Variants in KALRN observed in about 807,000 individuals in gnomAD.
KALRN encodes the protein kalirin RhoGEF kinase, also known as kalirin.
KALRN carries 70 observed loss-of-function variants against 353.7 expected under a neutral mutation model. That is an observed-to-expected ratio of 0.20 (90% CI 0.16 to 0.24). The LOEUF (loss-of-function observed/expected upper bound fraction) is 0.24. Ranked by LOEUF, KALRN falls within the 10% of genes least tolerant of loss-of-function variation. The pLI is 1.00. For synonymous variants in KALRN, 1,391 were observed against 1,434.8 expected, an observed-to-expected ratio of 0.97 and a Z score of 0.69; for missense variants, 2,791 against 3,756.7, an observed-to-expected ratio of 0.74 and a Z score of 6.72.
chr3:124,589,806 A>G (rs906248440), intron 34 of KALRN, among the ~76,000 whole-genome samples: 1 of 152,194 alleles, frequency 6.6e-6, no homozygotes, highest in Non-Finnish European at 1.5e-5. Context: ...TTCAAGTCCC[A>G]TAGTCGGCCT....
In KALRN at chr3:124,227,967, C is replaced by T. The variant is rs776406990; in HGVS notation, c.74-23C>T. On this transcript the variant is annotated intron_variant, in intron 1 of 59. Coordinates refer to ENST00000682506, the MANE Select transcript of KALRN (RefSeq NM_001388419.1). ...CCAGCTGGCTCCTCTCACCCTGATT[C>T]CTTCTGGTTTGTTGTCCCACAGGGT... 5 of 1,603,676 alleles carry T rather than the reference C, an allele frequency of 3.1e-6. No individual in the cohort carries two copies. In the South Asian group the frequency reaches 4.4e-5, roughly 14 times the overall value.
At chr3:124,109,300 T>G (rs1473956378) in intron 1 of KALRN, among the ~76,000 whole-genome samples, 1 of 152,046 alleles carries the variant, frequency 6.6e-6, no homozygotes, top group African/African-American at 2.4e-5. Context: ...TATCTCCCTT[T>G]GATGCATTCT....
At chr3:124,163,516 C>A in intron 1 of KALRN, 1 of 778,202 alleles carries the variant, frequency 1.3e-6, no homozygotes, top group Non-Finnish European at 1.6e-6. Flanking sequence ...CCATCTAATG[C>A]TGCATTATGG....
chr3:124,666,271 C>T (rs1406559806), intron 45 of KALRN, among the ~76,000 whole-genome samples, 178 bp from the exon 46 acceptor site: 1 of 152,170 alleles, frequency 6.6e-6, no homozygotes, highest in Non-Finnish European at 1.5e-5. Context: ...AGGAAAGTGG[C>T]CAAGGTCGGC....
chr3:124,151,288 A>G (rs2068073230), intron 1 of KALRN, among the ~76,000 whole-genome samples: 1 of 152,210 alleles, frequency 6.6e-6, no homozygotes, highest in Non-Finnish European at 1.5e-5. Context: ...ATAATGATTT[A>G]TATCTTCACC....
At chr3:124,405,524 C>T (rs1370142292) in intron 13 of KALRN, among the ~76,000 whole-genome samples, 2 of 151,710 alleles carry the variant, frequency 1.3e-5, no homozygotes, top group South Asian at 2.1e-4. Context: ...AATAGAGTTC[C>T]ACAAATCTCA....
chr3:124,433,477 A>G lies in KALRN; in HGVS notation c.2830-830A>G, dbSNP rs2093353891. 2.0e-5 allele frequency among the ~76,000 whole-genome samples: 3 copies of G among 151,744 alleles called. No homozygotes were observed. The South Asian group carries it at 6.2e-4, about 32-fold the overall frequency. ...ATGGCACACACCTGTAGTCCCAGCT[A>G]TCCATCTACTTTGGAGACTGAGGCA... On this transcript the variant is annotated intron_variant, in intron 16 of 59. Transcript: ENST00000682506.
intron 38 of KALRN, among the ~76,000 whole-genome samples, chr3:124,655,075 G>T (rs2083859371): frequency 6.6e-6 from 1 of 152,152 alleles, no homozygotes; most frequent in Non-Finnish European, 1.5e-5. Context: ...CTGAATAATT[G>T]CAGCTTCCAT....
At position 124,719,482 on chromosome 3, in the gene KALRN, C is replaced by A; in HGVS notation, c.*12C>A. On this transcript the variant is annotated 3_prime_UTR_variant, in exon 60 of 60. Transcript: ENST00000682506. This position sits in a 1 kb window ranked among gnomAD's most constrained non-coding sequence, Gnocchi z 5.3. ...ACCAAGGGACGTAGCCATCTCCCAG[C>A]CCCTATGGTTTCACATAGACGTGCA... 1 of 1,604,962 alleles carries A rather than the reference C, an allele frequency of 6.2e-7. No individual in the cohort carries two copies. Among genetic ancestry groups the A allele is most frequent in the Non-Finnish European group, 8.5e-7 (1 of 1,174,224 alleles).
chr3:124,290,521 G>A (rs1285952757), intron 5 of KALRN, among the ~76,000 whole-genome samples: 1 of 152,180 alleles, frequency 6.6e-6, no homozygotes, highest in Non-Finnish European at 1.5e-5. Context: ...AGGAGAGACA[G>A]AAGGAAGCTC....
rs575842351 is a variant in KALRN at position 124,235,672 on chromosome 3, A to G, written c.263+729A>G. ...GGTCAGTGGCAGAGCTTGGTCTAGA[A>G]CTCAACCCTCCTGAGTCCAGCCCCG... On this transcript the variant is annotated intron_variant, in intron 3 of 59. Coordinates refer to ENST00000682506, the MANE Select transcript of KALRN (RefSeq NM_001388419.1). Among the ~76,000 whole-genome samples, 3 of 152,064 alleles carry G rather than the reference A, an allele frequency of 2.0e-5. No homozygotes were observed. The East Asian group carries it at 5.8e-4, about 29-fold the overall frequency.
intron 21 of KALRN, among the ~76,000 whole-genome samples, chr3:124,453,372 T>A (rs959640520): frequency 2.2e-4 from 34 of 152,292 alleles, no homozygotes; most frequent in African/African-American, 6.7e-4. Context: ...GAGAGCTGGA[T>A]CCCTGGTCCC....
intron 3 of KALRN, among the ~76,000 whole-genome samples, chr3:124,247,619 T>A (rs867829670): frequency 6.6e-6 from 1 of 152,236 alleles, no homozygotes; most frequent in African/African-American, 2.4e-5. Context: ...GAAGTTGCAG[T>A]GCCCCAAGCG....
At chr3:124,668,078 ACACACACAC>A (rs1343604328) in intron 47 of KALRN, among the ~76,000 whole-genome samples, 303 of 133,402 alleles carry the variant, frequency 2.3e-3, no homozygotes, top group African/African-American at 8.0e-3. Flanking sequence ...ACACACACAC[ACACACACAC>A]ACACACAACC....
chr3:124,656,093 C>T (rs13064734), intron 39 of KALRN, among the ~76,000 whole-genome samples: 37,891 of 151,962 alleles, frequency 0.25, 4,903 homozygotes, highest in East Asian at 0.41. Flanking sequence ...GTAAGTGTTA[C>T]AGCTAGCAAA....
chr3:124,335,488 A>G lies in KALRN; in HGVS notation c.1647+993A>G, dbSNP rs75887318. Among the ~76,000 whole-genome samples the G allele has an allele frequency of 1.2e-4, 18 of 152,290 alleles. No homozygotes were observed. The East Asian group carries it at 3.1e-3, about 26-fold the overall frequency. ...AATGCCCTTTCAGATGAAATAACCC[A>G]TTCTTTTCTCCTTGTACTTTCTCTG... On this transcript the variant is annotated intron_variant, in intron 9 of 59. Transcript: ENST00000682506.
At chr3:124,313,525 T>A (rs2078495049) in intron 6 of KALRN, among the ~76,000 whole-genome samples, 1 of 152,176 alleles carries the variant, frequency 6.6e-6, no homozygotes, top group Non-Finnish European at 1.5e-5. Context: ...CAGGATTAAT[T>A]TATGACCCTT....
At chr3:124,466,539 T>A (rs1415743467) in intron 25 of KALRN, among the ~76,000 whole-genome samples, 1 of 152,242 alleles carries the variant, frequency 6.6e-6, no homozygotes, top group East Asian at 1.9e-4. Context: ...TTGTTTAAAA[T>A]GCTCATCACC....
chr3:124,204,346 G>A (rs2076219367), intron 1 of KALRN, among the ~76,000 whole-genome samples: 1 of 152,126 alleles, frequency 6.6e-6, no homozygotes, highest in African/African-American at 2.4e-5. Flanking sequence ...TAAACCAAAT[G>A]GGATGATCAG....
Sources: allele counts gnomAD v4.1 joint callset (sites outside exome capture counted in the v4.1 genomes callset), GRCh38; gene constraint gnomAD v4.1.1; non-coding constraint Gnocchi (gnomAD v3.1); transcripts MANE v1.5; gene names NCBI Gene and HGNC (gene_info 2026-07-23, HGNC 2026-07-21).